Variants in EYA4 observed in about 807,000 individuals in gnomAD.
The protein encoded by EYA4 is protein phosphatase EYA4.
EYA4 carries 31 observed loss-of-function variants against 87.9 expected under a neutral mutation model. That is an observed-to-expected ratio of 0.35 (90% confidence interval 0.27 to 0.48). The LOEUF is 0.48. Among genes scored for constraint, EYA4 ranks in the 20% least tolerant of loss-of-function variants. The pLI is 0.99. For missense variants in EYA4, 678 were observed against 761.4 expected (o/e 0.89, Z 1.29); for synonymous variants, 263 against 270.6 (o/e 0.97, Z 0.28).
At chr6:133,412,556 T>C (rs1393720530) in intron 3 of EYA4, among the ~76,000 whole-genome samples, 1 of 152,220 alleles carries the variant, frequency 6.6e-6, no homozygotes, top group Admixed American at 6.5e-5. Flanking sequence ...TGCTTAACTT[T>C]GTATTTGTAA....
chr6:133,290,185 T>C (rs1318119514), intron 2 of EYA4, among the ~76,000 whole-genome samples: 1 of 152,166 alleles, frequency 6.6e-6, no homozygotes, highest in East Asian at 1.9e-4. Flanking sequence ...TATCTCCCAG[T>C]TTCTAGATGA....
intron 16 of EYA4, among the ~76,000 whole-genome samples, chr6:133,514,245 C>G (rs2128786561): frequency 1.3e-5 from 2 of 152,268 alleles, no homozygotes; most frequent in Middle Eastern, 6.8e-3. Flanking sequence ...CTCTAGTGCT[C>G]TGTACATGAT....
chr6:133,291,450 T>C (rs1219197544), intron 2 of EYA4, among the ~76,000 whole-genome samples: 3 of 152,184 alleles, frequency 2.0e-5, no homozygotes, highest in Non-Finnish European at 4.4e-5. Context: ...AATCAGTGTT[T>C]TTTAAATAAA....
At chr6:133,511,430 A>G (rs1799126886) in intron 14 of EYA4, among the ~76,000 whole-genome samples, 2 of 151,974 alleles carry the variant, frequency 1.3e-5, no homozygotes, top group African/African-American at 4.8e-5. Context: ...GCTAAACCAT[A>G]CTTACTCTGA....
intron 10 of EYA4, 100 bp downstream of exon 10, chr6:133,464,958 T>C: frequency 1.4e-6 from 1 of 734,424 alleles, no homozygotes; most frequent in Non-Finnish European, 2.3e-6. Context: ...CAGAATAAGG[T>C]TTCTTTATTT....
rs891002496 is a variant in EYA4 at position 133,529,810 on chromosome 6, C to T, written c.*1005C>T. On this transcript the variant is annotated 3_prime_UTR_variant, in exon 20 of 20. Coordinates refer to ENST00000355286, the MANE Select transcript of EYA4 (RefSeq NM_004100.5). ...GTAGAAGTCTCAAGTACCCCTTCTA[C>T]AGTTTTACTGGAGAAAACTAAGAGC... The T allele has an allele frequency of 1.4e-5, 14 of 985,086 alleles. No homozygotes were observed. Among genetic ancestry groups the T allele is most frequent in the Non-Finnish European group, 1.4e-5 (12 of 829,756 alleles). 61.0% of individuals were successfully genotyped at this position (985,086 alleles called of 1,614,324 possible).
intron 3 of EYA4, among the ~76,000 whole-genome samples, chr6:133,407,176 G>A (rs886975749): frequency 8.6e-5 from 13 of 150,628 alleles, no homozygotes; most frequent in Non-Finnish European, 1.3e-4. Context: ...AATTGTTAAA[G>A]TGCTAATTCA....
chr6:133,512,753 C>T lies in EYA4; in HGVS notation c.1314C>T (p.Ser438=). 6.2e-7 allele frequency: 1 copy of T among 1,613,444 alleles called. No individual in the cohort carries two copies. Among genetic ancestry groups the T allele is most frequent in the Non-Finnish European group, 8.5e-7 (1 of 1,179,348 alleles). The change falls in exon 15 of 20, where the codon TCC becomes TCT. Residue 438 remains serine, a synonymous_variant. Transcript: ENST00000355286. ...ECDQVHIDDV[S]SDDNGQDLST... ...ATCAAGTTCATATAGATGATGTTTCCTCTGATGATAATGGGCAGGACTTAA... is the reference window on the plus strand; with the variant it reads ...ATCAAGTTCATATAGATGATGTTTCTTCTGATGATAATGGGCAGGACTTAA...
At chr6:133,368,548 T>C (rs1785027942) in intron 2 of EYA4, among the ~76,000 whole-genome samples, 1 of 152,192 alleles carries the variant, frequency 6.6e-6, no homozygotes, top group African/African-American at 2.4e-5. Flanking sequence ...ACCACAATAC[T>C]CAACAGGCTC....
intron 2 of EYA4, among the ~76,000 whole-genome samples, chr6:133,299,427 A>G (rs1582886942): frequency 6.6e-6 from 1 of 152,108 alleles, no homozygotes; most frequent in African/African-American, 2.4e-5. Flanking sequence ...AGATGGTGCC[A>G]TTAAACACTT....
intron 1 of EYA4, among the ~76,000 whole-genome samples, chr6:133,262,806 A>G (rs1775904093): frequency 6.6e-6 from 1 of 152,234 alleles, no homozygotes; most frequent in Admixed American, 6.5e-5. Flanking sequence ...AGACAGCTCA[A>G]AAATAGCTCA....
At chr6:133,517,694 A>G (rs1019042798) in intron 17 of EYA4, among the ~76,000 whole-genome samples, 9 of 152,168 alleles carry the variant, frequency 5.9e-5, no homozygotes, top group African/African-American at 2.2e-4. Flanking sequence ...TGGGGAAGCC[A>G]TGGCAGCTTA....
chr6:133,415,483 T>C (rs370309493), intron 3 of EYA4, among the ~76,000 whole-genome samples: 1 of 152,176 alleles, frequency 6.6e-6, no homozygotes, highest in Non-Finnish European at 1.5e-5. Context: ...ACGTGCCTCC[T>C]CTCACAGCCT....
At chr6:133,352,912 T>C (rs1186909165) in intron 2 of EYA4, among the ~76,000 whole-genome samples, 1 of 151,950 alleles carries the variant, frequency 6.6e-6, no homozygotes, top group Non-Finnish European at 1.5e-5. Context: ...GCTCAAAATA[T>C]CATCAGTGAC....
In EYA4 at chr6:133,512,851, C is replaced by T. The variant is rs760081014; in HGVS notation, c.1341-27C>T. 15 of 1,613,642 alleles carry T rather than the reference C, an allele frequency of 9.3e-6. No homozygotes were observed. In the Admixed American group the frequency reaches 2.5e-4, roughly 27 times the overall value. ...TGGAGTTTTGCACATGTAATTATTT[C>T]TTTTTAATGTATTTTGGGTGTTACA... On this transcript the variant is annotated intron_variant, in intron 15 of 19. Transcript: ENST00000355286.
chr6:133,356,514 A>G (rs1784044836), intron 2 of EYA4, among the ~76,000 whole-genome samples: 1 of 152,112 alleles, frequency 6.6e-6, no homozygotes, highest in Non-Finnish European at 1.5e-5. Context: ...ATTATTTATT[A>G]TTTATAACTA....
chr6:133,515,091 T>A (rs1417994256), intron 16 of EYA4, among the ~76,000 whole-genome samples: 2 of 152,194 alleles, frequency 1.3e-5, no homozygotes, highest in Non-Finnish European at 2.9e-5. Flanking sequence ...CTGGGGCCAC[T>A]TTTCAGTGGC....
intron 13 of EYA4, among the ~76,000 whole-genome samples, chr6:133,501,273 A>G (rs1211745616): frequency 1.3e-5 from 2 of 151,990 alleles, no homozygotes; most frequent in Admixed American, 6.6e-5. Flanking sequence ...TGAAATGCTT[A>G]TACTCCCTTG....
At chr6:133,396,733 T>C (rs1158327441) in intron 3 of EYA4, among the ~76,000 whole-genome samples, 4 of 152,152 alleles carry the variant, frequency 2.6e-5, no homozygotes, top group African/African-American at 9.7e-5. Flanking sequence ...TGTGTGTATA[T>C]GTGCATGCAT....
Sources: gnomAD v4.1 joint callset for allele counts (sites outside exome capture counted in the v4.1 genomes callset) on GRCh38, gnomAD v4.1.1 for gene constraint, MANE v1.5 for transcripts, NCBI Gene and HGNC (gene_info 2026-07-23, HGNC 2026-07-21) for gene names.